The following PRKD1 variants were observed in gnomAD, a reference collection of about 807,000 sequenced individuals.
PRKD1 encodes protein kinase D1.
A neutral mutation model predicts 95.9 loss-of-function variants in PRKD1; 63 were observed. The observed-to-expected ratio is 0.66, with a 90% CI of 0.54 to 0.81. The LOEUF (loss-of-function observed/expected upper bound fraction) is 0.81. Among genes scored for constraint, PRKD1 ranks in the 30% least tolerant of loss-of-function variants. PRKD1 has a pLI of 0.00. For missense variants in PRKD1, 1,048 were observed against 1,165.3 expected, an observed-to-expected ratio of 0.90 and a Z score of 1.47; for synonymous variants, 425 against 423.1, an observed-to-expected ratio of 1.00 and a Z score of -0.05.
At chr14:29,598,747 G>A (rs1282562623) in intron 15 of PRKD1, among the ~76,000 whole-genome samples, 1 of 152,158 alleles carries the variant, frequency 6.6e-6, no homozygotes, top group African/African-American at 2.4e-5. Flanking sequence ...TAATGAGCAG[G>A]TAACATCTCT....
At chr14:29,807,959 T>C (rs1023741359) in intron 1 of PRKD1, among the ~76,000 whole-genome samples, 7 of 152,034 alleles carry the variant, frequency 4.6e-5, no homozygotes, top group African/African-American at 1.7e-4. Flanking sequence ...TAGCCTCAAG[T>C]GATTCGCCCG....
At chr14:29,647,405 C>A (rs185915611) in intron 4 of PRKD1, among the ~76,000 whole-genome samples, 2 of 152,260 alleles carry the variant, frequency 1.3e-5, no homozygotes, top group East Asian at 3.9e-4. Context: ...ATGTACATTT[C>A]CACCGAAGAA....
chr14:29,815,366 C>T (rs946006104), intron 1 of PRKD1, among the ~76,000 whole-genome samples: 15 of 152,320 alleles, frequency 9.8e-5, no homozygotes, highest in African/African-American at 3.4e-4. Flanking sequence ...CTCACCTCTC[C>T]ATTCCAGACG....
At chr14:29,657,244 C>T (rs1566518879) in intron 4 of PRKD1, among the ~76,000 whole-genome samples, 1 of 152,160 alleles carries the variant, frequency 6.6e-6, no homozygotes, top group African/African-American at 2.4e-5. Context: ...GTAGATAACA[C>T]TTAACTGGTA....
intron 1 of PRKD1, among the ~76,000 whole-genome samples, chr14:29,749,062 G>A (rs1253087927): frequency 6.6e-6 from 1 of 151,994 alleles, no homozygotes; most frequent in Admixed American, 6.6e-5. Context: ...AAGTAGGAGT[G>A]GAATAAAAAA....
chr14:29,742,145 T>C (rs1887006630), intron 1 of PRKD1, among the ~76,000 whole-genome samples: 2 of 152,302 alleles, frequency 1.3e-5, no homozygotes, highest in South Asian at 4.1e-4. Context: ...CTCATTTACT[T>C]TGATGTTCCT....
At chr14:29,656,633 A>T in intron 4 of PRKD1, 1 of 991,002 alleles carries the variant, frequency 1.0e-6, no homozygotes, top group Non-Finnish European at 1.5e-6. Flanking sequence ...ATGCTTTCAA[A>T]AAAAAGCAAA....
chr14:29,621,982 T>C (rs1759468907), intron 13 of PRKD1, among the ~76,000 whole-genome samples: 1 of 152,200 alleles, frequency 6.6e-6, no homozygotes, highest in Non-Finnish European at 1.5e-5. Flanking sequence ...GTATATTTAT[T>C]GCATCTGAGT....
At chr14:29,926,853 G>A (rs1451754750) in intron 1 of PRKD1, among the ~76,000 whole-genome samples, 2 of 152,034 alleles carry the variant, frequency 1.3e-5, no homozygotes. Flanking sequence ...GGTGCAGGAA[G>A]GAGGATTCCT....
At chr14:29,709,136 T>A (rs563683617) in intron 2 of PRKD1, among the ~76,000 whole-genome samples, 11 of 152,298 alleles carry the variant, frequency 7.2e-5, no homozygotes, top group Middle Eastern at 3.4e-3. Flanking sequence ...AGATTAGTTA[T>A]GGAATAAAGT....
At chr14:29,905,404 T>C (rs866346086) in intron 1 of PRKD1, among the ~76,000 whole-genome samples, 25 of 152,300 alleles carry the variant, frequency 1.6e-4, no homozygotes, top group African/African-American at 5.8e-4. Flanking sequence ...GAATGCTTTT[T>C]GTGTATCAAG....
At chr14:29,685,731 C>T (rs1407262232) in intron 2 of PRKD1, among the ~76,000 whole-genome samples, 1 of 112,156 alleles carries the variant, frequency 8.9e-6, no homozygotes, top group Non-Finnish European at 1.7e-5. Flanking sequence ...TCTTTATCCT[C>T]ATCTGTGTGT....
intron 16 of PRKD1, among the ~76,000 whole-genome samples, chr14:29,588,789 G>GTT (rs1893020876): frequency 9.7e-6 from 1 of 103,222 alleles, no homozygotes; most frequent in Non-Finnish European, 2.0e-5. Context: ...TATTCCTAAA[G>GTT]TTGTGTGTGT....
chr14:29,753,896 C>T (rs1202260618), intron 1 of PRKD1, among the ~76,000 whole-genome samples: 1 of 152,104 alleles, frequency 6.6e-6, no homozygotes, highest in Non-Finnish European at 1.5e-5. Context: ...CAACGGATAG[C>T]CTGATGCATG....
chr14:29,686,417 A>T (rs1405685548), intron 2 of PRKD1, among the ~76,000 whole-genome samples: 1 of 152,190 alleles, frequency 6.6e-6, no homozygotes, highest in South Asian at 2.1e-4. Flanking sequence ...TAGTCAACTG[A>T]CAACTGTGCT....
At chr14:29,866,622 A>T (rs533620838) in intron 1 of PRKD1, among the ~76,000 whole-genome samples, 1 of 152,338 alleles carries the variant, frequency 6.6e-6, no homozygotes, top group South Asian at 2.1e-4. Context: ...GACAGATGAC[A>T]CAACAGGGGA....
chr14:29,817,044 A>G (rs1890720704), intron 1 of PRKD1, among the ~76,000 whole-genome samples: 2 of 152,216 alleles, frequency 1.3e-5, no homozygotes, highest in Admixed American at 6.5e-5. Context: ...ATATTTATAT[A>G]CTTTACTTTT....
chr14:29,792,234 T>C (rs752416739), intron 1 of PRKD1, among the ~76,000 whole-genome samples: 24 of 152,138 alleles, frequency 1.6e-4, no homozygotes, highest in Non-Finnish European at 3.1e-4. Context: ...TAATATATAA[T>C]TGAACTTCCT....
intron 1 of PRKD1, among the ~76,000 whole-genome samples, chr14:29,850,309 A>G (rs1892257953): frequency 6.6e-6 from 1 of 152,172 alleles, no homozygotes; most frequent in African/African-American, 2.4e-5. Context: ...GAAAACCCTA[A>G]AGATCCCATC....
Sources: gnomAD v4.1 joint callset for allele counts (sites outside exome capture counted in the v4.1 genomes callset) on GRCh38, gnomAD v4.1.1 for gene constraint, MANE v1.5 for transcripts, NCBI Gene and HGNC (gene_info 2026-07-23, HGNC 2026-07-21) for gene names.